The following DST variants were observed in gnomAD, a reference collection of about 807,000 sequenced individuals.
DST encodes the protein dystonin.
In DST, 253 loss-of-function variants were observed where a neutral mutation model predicts 875.2. The ratio of observed to expected loss-of-function variants is 0.29; its 90% CI spans 0.26 to 0.32. The LOEUF (loss-of-function observed/expected upper bound fraction) is 0.32. Among genes scored for constraint, DST ranks in the 10% least tolerant of loss-of-function variants. DST has a pLI of 1.00. For synonymous variants in DST, 3,124 were observed against 3,197.1 expected (o/e 0.98, Z 0.77); for missense variants, 8,287 against 9,111.6 (o/e 0.91, Z 3.68).
chr6:56,793,897 A>G (rs1338231562), intron 4 of DST, among the ~76,000 whole-genome samples: 3 of 152,224 alleles, frequency 2.0e-5, no homozygotes, highest in African/African-American at 7.2e-5. Context: ...TCTATGTGAC[A>G]TCGCTGAGGT....
intron 2 of DST, among the ~76,000 whole-genome samples, chr6:56,928,866 T>C (rs1163460969): frequency 2.6e-5 from 4 of 151,752 alleles, no homozygotes; most frequent in Admixed American, 1.3e-4. Flanking sequence ...ACAAGAAATA[T>C]GGAAGAAATA....
At chr6:56,517,008 T>C (rs556781828) in intron 71 of DST, among the ~76,000 whole-genome samples, 190 bp downstream of exon 71, 21 of 152,326 alleles carry the variant, frequency 1.4e-4, no homozygotes, top group African/African-American at 5.0e-4. Context: ...ATTGTCCTCA[T>C]AGTGATTCTC....
chr6:56,650,057 T>G (rs2152796818), intron 12 of DST, among the ~76,000 whole-genome samples: 1 of 151,968 alleles, frequency 6.6e-6, no homozygotes, highest in East Asian at 1.9e-4. Flanking sequence ...GCATGAAGCC[T>G]TTGAAAAGAA....
Position 56,601,546 on chromosome 6 carries a change from T to A in DST, c.11438A>T (p.Asn3813Ile), listed in dbSNP as rs549869536. 2 of 1,605,306 alleles carry A rather than the reference T, an allele frequency of 1.2e-6. No homozygotes were observed. The highest frequency in any genetic ancestry group is 1.7e-6 in the Non-Finnish European group (2 of 1,175,972). ...ATCAAGAAAACACTTCTGAGTTGTA[T>A]TTAAGAGCCTCAGCAGTTGTTTGCT... The part of the protein sequence containing the change: ...NQSKQLLRLL[N>I]TTQKCFLDVQ... The change falls in exon 44 of 104, where the codon AAT (asparagine) becomes ATT (isoleucine). Residue 3813 changes from asparagine to isoleucine, a missense_variant. This residue lies in a region of DST where 3,138 missense variants were observed against 3,116.6 expected (regional missense o/e 1.01). Coordinates refer to ENST00000680361, the MANE Select transcript of DST (RefSeq NM_001374736.1).
At chr6:56,600,531 T>A (rs1052666552) in intron 44 of DST, among the ~76,000 whole-genome samples, 3 of 152,040 alleles carry the variant, frequency 2.0e-5, no homozygotes, top group Admixed American at 2.0e-4. Flanking sequence ...TGTTGAAACC[T>A]GCGACACATA....
At position 56,536,803 on chromosome 6, in the gene DST, T is replaced by C; in HGVS notation, c.16746A>G (p.Ala5582=). 3 of 1,592,060 alleles carry C rather than the reference T, an allele frequency of 1.9e-6. No homozygotes were observed. Among genetic ancestry groups the C allele is most frequent in the Non-Finnish European group, 2.6e-6 (3 of 1,169,298 alleles). ...CCTTCTTATTGAGAGTCTTCCACCG[T>C]GCATTGACATCATCCAGGTCATGCT... ...GLEHDLDDVN[A]RWKTLNKKVA... Residue 5582 remains alanine (A), a synonymous_variant, in exon 62 of 104, where the codon GCA becomes GCG. Transcript: ENST00000680361.
intron 36 of DST, chr6:56,617,873 A>G: frequency 1.1e-6 from 1 of 874,252 alleles, no homozygotes; most frequent in South Asian, 1.4e-5. Flanking sequence ...TCAGAACTAC[A>G]ATGAGCCAAT....
chr6:56,778,644 T>C (rs1241091043), intron 4 of DST, among the ~76,000 whole-genome samples: 1 of 151,406 alleles, frequency 6.6e-6, no homozygotes, highest in Non-Finnish European at 1.5e-5. Context: ...TTTGGTTTTT[T>C]GTCCTTGAGA....
chr6:56,498,158 A>C (rs1390412364), intron 80 of DST, 105 bp from the exon 81 acceptor site: 1 of 1,122,850 alleles, frequency 8.9e-7, no homozygotes, highest in Non-Finnish European at 1.3e-6. Flanking sequence ...TCAAACAAAA[A>C]CGTTATATGT....
intron 33 of DST, 120 bp from the exon 34 acceptor site, chr6:56,627,407 C>A: frequency 1.3e-6 from 1 of 768,736 alleles, no homozygotes; most frequent in Non-Finnish European, 2.3e-6. Context: ...TAGCCCTTTG[C>A]ACTTAATACA....
At chr6:56,893,526 G>C in intron 3 of DST, among the ~76,000 whole-genome samples, 1 of 133,788 alleles carries the variant, frequency 7.5e-6, no homozygotes, top group South Asian at 2.3e-4. Context: ...CCCAGTAGTG[G>C]GATTGCTGGA....
At chr6:56,473,006 A>C (rs2094972096) in intron 93 of DST, among the ~76,000 whole-genome samples, 1 of 152,236 alleles carries the variant, frequency 6.6e-6, no homozygotes, top group Admixed American at 6.5e-5. Context: ...ATACTTGAGC[A>C]TTTAACTATA....
chr6:56,723,979 CA>C (rs1265030163), intron 5 of DST, among the ~76,000 whole-genome samples: 1 of 152,112 alleles, frequency 6.6e-6, no homozygotes, highest in African/African-American at 2.4e-5. Flanking sequence ...GTTTCCCTTC[CA>C]AAAAACATGT....
At chr6:56,810,225 G>A (rs550293573) in intron 4 of DST, among the ~76,000 whole-genome samples, 4 of 152,202 alleles carry the variant, frequency 2.6e-5, no homozygotes, top group South Asian at 2.1e-4. Context: ...TGAAAAGATC[G>A]CTTGAGCCCA....
At chr6:56,654,584 G>T (rs1482509836) in intron 10 of DST, among the ~76,000 whole-genome samples, 1 of 120,530 alleles carries the variant, frequency 8.3e-6, no homozygotes, top group African/African-American at 4.9e-5. Flanking sequence ...ATCTCCCCTA[G>T]GCTATATATA....
Position 56,572,947 on chromosome 6 carries a change from T to C in DST, c.13354A>G (p.Lys4452Glu). Residue 4452 changes from lysine to glutamate, a missense_variant, in exon 52 of 104, where the codon AAA (lysine) becomes GAA (glutamate). By Grantham distance (56) the Lys-to-Glu change is moderately conservative (BLOSUM62 1). Around this residue, in one of 10 missense-constraint regions of DST, gnomAD observed 1,513 missense variants for 1,677.8 expected, o/e 0.90. Transcript: ENST00000680361. ...TCTGAAAACCGAGCAGACAAGTCTT[T>C]CATTTTGGCTTGCAGTGAGGATGCA... ...STASSLQAKM[K>E]DLSARFSEAS... The C allele has an allele frequency of 6.2e-7, 1 of 1,613,048 alleles. No homozygotes were observed. Among genetic ancestry groups the C allele is most frequent in the Non-Finnish European group, 8.5e-7 (1 of 1,179,568 alleles).
At chr6:56,513,953 T>C (rs2096537481) in intron 72 of DST, among the ~76,000 whole-genome samples, 1 of 152,202 alleles carries the variant, frequency 6.6e-6, no homozygotes, top group Non-Finnish European at 1.5e-5. Context: ...GAGAAGATGC[T>C]GTAGAGCTGG....
intron 2 of DST, among the ~76,000 whole-genome samples, chr6:56,924,416 T>C (rs1196763240): frequency 1.3e-5 from 2 of 151,706 alleles, no homozygotes; most frequent in Non-Finnish European, 2.9e-5. Flanking sequence ...GAGACTGATG[T>C]TATATATTTT....
intron 12 of DST, among the ~76,000 whole-genome samples, chr6:56,650,206 A>C (rs1443437002): frequency 1.3e-5 from 2 of 151,902 alleles, no homozygotes; most frequent in South Asian, 2.1e-4. Context: ...AGGGGAAAAA[A>C]GGTGTCTGCA....
Sources: allele counts gnomAD v4.1 joint callset (sites outside exome capture counted in the v4.1 genomes callset), GRCh38; gene constraint gnomAD v4.1.1; regional missense constraint gnomAD v4.1.1; transcripts MANE v1.5; gene names NCBI Gene and HGNC (gene_info 2026-07-23, HGNC 2026-07-21).